Variants in GFOD2 observed in about 807,000 individuals in gnomAD.
GFOD2 encodes Gfo/Idh/MocA-like oxidoreductase domain containing 2.
Under a neutral mutation model 24.6 loss-of-function variants are expected in GFOD2, and 9 were observed. The observed-to-expected ratio is 0.37, with a 90% CI of 0.22 to 0.64. The LOEUF is 0.64. Ranked by LOEUF, GFOD2 falls within the 30% of genes least tolerant of loss-of-function variation. The pLI is 0.65. For synonymous variants in GFOD2, 211 were observed against 224.8 expected, an observed-to-expected ratio of 0.94 and a Z score of 0.55; for missense variants, 476 against 532.5, an observed-to-expected ratio of 0.89 and a Z score of 1.04.
Position 67,675,488 on chromosome 16 carries a change from C to T in GFOD2, c.825G>A (p.Thr275=), listed in dbSNP as rs368256454. Residue 275 remains threonine, a synonymous_variant, in exon 3 of 3, where the codon ACG becomes ACA. Transcript: ENST00000268797. The part of the protein sequence containing the change: ...ADLYGQKNSA[T]QEELLLRDSL... ...AGTCCCTCAAGAGCAGCTCCTCTTG[C>T]GTGGCAGAGTTCTTCTGCCCATAGA... 93 of 1,612,124 alleles carry T rather than the reference C, an allele frequency of 5.8e-5. No homozygotes were observed. The African/African-American group carries it at 6.3e-4, about 11-fold the overall frequency.
At chr16:67,685,267 G>A (rs1196633633) in intron 2 of GFOD2, 190 bp downstream of exon 2, 3 of 1,434,740 alleles carry the variant, frequency 2.1e-6, no homozygotes, top group East Asian at 5.0e-5. Flanking sequence ...TTTACAGATG[G>A]GAGGTAGGTT....
chr16:67,712,045 C>T (rs2053478073), intron 1 of GFOD2, among the ~76,000 whole-genome samples: 2 of 152,142 alleles, frequency 1.3e-5, no homozygotes, highest in Non-Finnish European at 2.9e-5. Context: ...TTGTTCATTG[C>T]TATATCCCTA....
At chr16:67,713,374 C>T (rs1037259720) in intron 1 of GFOD2, among the ~76,000 whole-genome samples, 1 of 152,182 alleles carries the variant, frequency 6.6e-6, no homozygotes, top group East Asian at 1.9e-4. Flanking sequence ...GCAGTCAACA[C>T]CTGCTGGTGT....
Position 67,676,055 on chromosome 16 carries a change from TAAC to T in GFOD2, c.260-5_260-3del. The T allele has an allele frequency of 1.3e-6, 2 of 1,598,744 alleles. No homozygotes were observed. The highest frequency in any genetic ancestry group is 1.3e-5 in the African/African-American group (1 of 74,768). Reference sequence around the variant, plus strand: ...CGCAAACCACATTCTTCCCAATACCTAACAACAGGACACAACAGGAAATCTCAA... The same window carrying T: ...CGCAAACCACATTCTTCCCAATACCTAACAGGACACAACAGGAAATCTCAA... On this transcript the variant is annotated splice_polypyrimidine_tract_variant and splice_region_variant and intron_variant, in intron 2 of 2. Coordinates refer to ENST00000268797, the MANE Select transcript of GFOD2 (RefSeq NM_030819.4).
chr16:67,702,565 C>T (rs779795025), intron 1 of GFOD2, among the ~76,000 whole-genome samples: 7 of 150,264 alleles, frequency 4.7e-5, no homozygotes, highest in African/African-American at 1.2e-4. Flanking sequence ...CTCCAACTGA[C>T]GCAGTATTGT....
intron 2 of GFOD2, among the ~76,000 whole-genome samples, chr16:67,680,038 G>A (rs2053213822): frequency 1.3e-5 from 2 of 152,192 alleles, no homozygotes; most frequent in South Asian, 4.1e-4. Flanking sequence ...AAGGACCATA[G>A]ATGAGTGACA....
At chr16:67,679,897 A>C (rs140797503) in intron 2 of GFOD2, among the ~76,000 whole-genome samples, 10,853 of 149,210 alleles carry the variant, frequency 0.073, 948 homozygotes, top group African/African-American at 0.22. Flanking sequence ...AAAAAAAAAA[A>C]AACAACAACA....
intron 1 of GFOD2, among the ~76,000 whole-genome samples, chr16:67,697,840 T>C (rs1238682685): frequency 6.6e-6 from 1 of 152,158 alleles, no homozygotes; most frequent in African/African-American, 2.4e-5. Flanking sequence ...GAGGGAGCTG[T>C]GGGACATAAA....
At chr16:67,709,453 A>G (rs2053458546) in intron 1 of GFOD2, among the ~76,000 whole-genome samples, 1 of 152,194 alleles carries the variant, frequency 6.6e-6, no homozygotes, top group South Asian at 2.1e-4. Context: ...AAAGTGCAGG[A>G]TACTTCAGTA....
At position 67,674,817 on chromosome 16, in the gene GFOD2, T is replaced by C. The variant is rs1297350391; in HGVS notation, c.*338A>G. On this transcript the variant is annotated 3_prime_UTR_variant, in exon 3 of 3. Coordinates refer to ENST00000268797, the MANE Select transcript of GFOD2 (RefSeq NM_030819.4). The stretch of plus-strand genomic sequence containing the variant: ...CAGGCCTCAGCCGAGCTGGCCCCTC[T>C]TGTGCTTTCTCACCCTGTTAGGACT... The C allele has an allele frequency of 1.2e-5, 3 of 260,304 alleles. No individual in the cohort carries two copies. The highest frequency in any genetic ancestry group is 2.2e-5 in the Non-Finnish European group (3 of 136,450). The allele number at this position is 260,304 out of a possible 1,614,324, so 16.1% of individuals were successfully genotyped here.
chr16:67,717,108 C>G (rs2053512603), intron 1 of GFOD2, among the ~76,000 whole-genome samples: 1 of 152,112 alleles, frequency 6.6e-6, no homozygotes, highest in African/African-American at 2.4e-5. Flanking sequence ...GTTGGTGAGG[C>G]TGGTCTCAAA....
At chr16:67,686,605 G>A (rs565720018) in intron 1 of GFOD2, among the ~76,000 whole-genome samples, 10 of 152,082 alleles carry the variant, frequency 6.6e-5, no homozygotes, top group South Asian at 4.2e-4. Flanking sequence ...CAAGGCGGGC[G>A]GATCACCTGA....
At chr16:67,682,335 C>T in intron 2 of GFOD2, 2 of 985,152 alleles carry the variant, frequency 2.0e-6, no homozygotes, top group African/African-American at 3.5e-5. Context: ...CAAGCCTGGC[C>T]TGCAAACTTA....
intron 1 of GFOD2, among the ~76,000 whole-genome samples, chr16:67,716,857 A>G (rs1337901223): frequency 1.3e-5 from 2 of 152,196 alleles, no homozygotes; most frequent in Admixed American, 1.3e-4. Context: ...ACCCATAGTT[A>G]TGGTATGATG....
At chr16:67,711,470 C>G (rs999012738) in intron 1 of GFOD2, among the ~76,000 whole-genome samples, 3 of 152,190 alleles carry the variant, frequency 2.0e-5, no homozygotes, top group Non-Finnish European at 4.4e-5. Context: ...CAGTCTATTT[C>G]TCTTTTCTAT....
chr16:67,690,637 G>A (rs577081505), intron 1 of GFOD2, among the ~76,000 whole-genome samples: 26 of 152,154 alleles, frequency 1.7e-4, no homozygotes, highest in Admixed American at 1.2e-3. Context: ...TATGTTTAAC[G>A]CATGTGAAAA....
chr16:67,713,998 C>T (rs1173671993), intron 1 of GFOD2, among the ~76,000 whole-genome samples: 1 of 151,996 alleles, frequency 6.6e-6, no homozygotes, highest in Non-Finnish European at 1.5e-5. Context: ...TTTGCCATTA[C>T]TTTGCGGCAA....
intron 1 of GFOD2, among the ~76,000 whole-genome samples, chr16:67,691,518 A>C (rs191901013): frequency 0.11 from 13,472 of 120,524 alleles, 1,515 homozygotes; most frequent in African/African-American, 0.3. Flanking sequence ...ACCCCCCCCC[A>C]AAAAAAAAAA....
intron 1 of GFOD2, among the ~76,000 whole-genome samples, chr16:67,716,407 C>G (rs916130960): frequency 1.3e-5 from 2 of 152,212 alleles, no homozygotes; most frequent in Non-Finnish European, 2.9e-5. Flanking sequence ...TGAGAGTCCT[C>G]TGTAAGTCTA....
Sources: gnomAD v4.1 joint callset for allele counts (sites outside exome capture counted in the v4.1 genomes callset) on GRCh38, gnomAD v4.1.1 for gene constraint, MANE v1.5 for transcripts, NCBI Gene and HGNC (gene_info 2026-07-23, HGNC 2026-07-21) for gene names.